Variants in ST14 observed in about 807,000 individuals in gnomAD.
ST14 encodes the protein suppressor of tumorigenicity 14 protein.
Under a neutral mutation model 96.5 loss-of-function variants are expected in ST14, and 40 were observed. The observed-to-expected ratio is 0.41, with a 90% confidence interval of 0.32 to 0.54. The LOEUF is 0.54. ST14 is among the 20% of genes least tolerant of loss of function. ST14 has a pLI of 0.17. For synonymous variants in ST14, 506 were observed against 492.1 expected, an observed-to-expected ratio of 1.03 and a Z score of -0.37; for missense variants, 1,066 against 1,188.9, an observed-to-expected ratio of 0.90 and a Z score of 1.52.
rs201362307 is a variant in ST14, at chr11:130,196,521, C to G, written c.1224-49C>G. ...AGGGGTCCCACCAGACCCCCAGCCC[C>G]CCGGCTCCCAGCTGTCCCTCCTCAC... On this transcript the variant is annotated intron_variant, in intron 10 of 18. Coordinates refer to ENST00000278742, the MANE Select transcript of ST14 (RefSeq NM_021978.4). The G allele has an allele frequency of 1.6e-5, 24 of 1,532,632 alleles. No homozygotes were observed. The East Asian group carries it at 5.6e-4, about 36-fold the overall frequency. 94.9% of individuals were successfully genotyped at this position (1,532,632 alleles called of 1,614,324 possible).
chr11:130,168,572 GA>G (rs1298336562), intron 1 of ST14, among the ~76,000 whole-genome samples: 1 of 152,170 alleles, frequency 6.6e-6, no homozygotes, highest in East Asian at 1.9e-4. Flanking sequence ...TCGTACTAAG[GA>G]AAATGCTATT....
chr11:130,177,087 C>A (rs1469352670), intron 1 of ST14, among the ~76,000 whole-genome samples: 1 of 151,826 alleles, frequency 6.6e-6, no homozygotes, highest in Non-Finnish European at 1.5e-5. Flanking sequence ...CATGAGCCAC[C>A]GTGCCTGGCG....
At chr11:130,179,508 C>G (rs949641465) in intron 1 of ST14, among the ~76,000 whole-genome samples, 15 of 152,172 alleles carry the variant, frequency 9.9e-5, no homozygotes, top group Non-Finnish European at 2.1e-4. Context: ...TATGAGGCCC[C>G]GTGCTGGGCC....
At chr11:130,203,306 C>T (rs1160869227) in intron 16 of ST14, among the ~76,000 whole-genome samples, 1 of 152,190 alleles carries the variant, frequency 6.6e-6, no homozygotes, top group Admixed American at 6.5e-5. Context: ...ATGCTCGCCT[C>T]CTGGGTGTTC....
At chr11:130,178,874 G>C (rs1953165240) in intron 1 of ST14, among the ~76,000 whole-genome samples, 1 of 152,224 alleles carries the variant, frequency 6.6e-6, no homozygotes, top group Non-Finnish European at 1.5e-5. Context: ...TGGGTCTGCA[G>C]CTGGCCCTGT....
chr11:130,182,283 A>C (rs1456847900), intron 1 of ST14, among the ~76,000 whole-genome samples: 2 of 151,670 alleles, frequency 1.3e-5, no homozygotes, highest in East Asian at 3.9e-4. Flanking sequence ...ATAAATTATT[A>C]TTTCATTACA....
At chr11:130,160,098 C>A in intron 1 of ST14, 38 bp downstream of exon 1, 1 of 1,352,294 alleles carries the variant, frequency 7.4e-7, no homozygotes, top group Non-Finnish European at 9.7e-7. Context: ...CTGGGAAGCT[C>A]CTGCCCGCCC....
intron 1 of ST14, among the ~76,000 whole-genome samples, chr11:130,178,301 C>T (rs1953160502): frequency 9.5e-6 from 1 of 105,676 alleles, no homozygotes; most frequent in East Asian, 3.3e-4. Flanking sequence ...TTGGCAGAGC[C>T]TTCGTTGGCA....
chr11:130,201,958 T>C (rs1041017637), intron 16 of ST14, among the ~76,000 whole-genome samples: 3 of 152,218 alleles, frequency 2.0e-5, no homozygotes, highest in Non-Finnish European at 4.4e-5. Flanking sequence ...GTCCTTGCTT[T>C]CTGGCACTAC....
intron 1 of ST14, among the ~76,000 whole-genome samples, chr11:130,179,129 T>A (rs1343833669): frequency 1.3e-5 from 2 of 152,118 alleles, no homozygotes; most frequent in Non-Finnish European, 2.9e-5. Context: ...GTGGAGTTTC[T>A]CCAACTTTCA....
chr11:130,197,594 C>T (rs949550834), intron 11 of ST14, among the ~76,000 whole-genome samples: 1 of 152,218 alleles, frequency 6.6e-6, no homozygotes, highest in Non-Finnish European at 1.5e-5. Flanking sequence ...CTTCGATCCT[C>T]AGTGGTGGGG....
At chr11:130,167,168 G>A (rs543922582) in intron 1 of ST14, among the ~76,000 whole-genome samples, 5 of 152,328 alleles carry the variant, frequency 3.3e-5, no homozygotes, top group Non-Finnish European at 7.4e-5. Flanking sequence ...CCGAGATCGT[G>A]CCATTGCACT....
chr11:130,205,689 T>C (rs1360629685), intron 16 of ST14, among the ~76,000 whole-genome samples: 1 of 148,450 alleles, frequency 6.7e-6, no homozygotes, highest in Non-Finnish European at 1.5e-5. Flanking sequence ...CATCATGTTC[T>C]TCTTTAGACG....
At position 130,185,466 on chromosome 11, in the gene ST14, A is replaced by G. The variant is rs2136210453; in HGVS notation, c.82-2648A>G. Reference sequence around the variant, plus strand: ...CCAGGAGTTCGAGATAAGCCTGGGCAACATAGTAAGACCTTGCCTCTACAA... The same window carrying G: ...CCAGGAGTTCGAGATAAGCCTGGGCGACATAGTAAGACCTTGCCTCTACAA... On this transcript the variant is annotated intron_variant, in intron 1 of 18. Transcript: ENST00000278742. Among the ~76,000 whole-genome samples, 2 of 152,322 alleles carry G rather than the reference A, an allele frequency of 1.3e-5. 1 individual carries two copies. Among genetic ancestry groups the G allele is most frequent in the Non-Finnish European group, 2.9e-5 (2 of 68,020 alleles).
Position 130,199,058 on chromosome 11 carries a change from A to G in ST14, c.1796A>G (p.Glu599Gly). 6.2e-7 allele frequency: 1 copy of G among 1,613,674 alleles called. No individual in the cohort carries two copies. Among genetic ancestry groups the G allele is most frequent in the Non-Finnish European group, 8.5e-7 (1 of 1,179,810 alleles). Reference sequence around the variant, plus strand: ...GAGGACTGTAGCGACGGCTCAGATGAGAAGGACTGCGGTGAGCAGGGCATC... The same window carrying G: ...GAGGACTGTAGCGACGGCTCAGATGGGAAGGACTGCGGTGAGCAGGGCATC... ...GKEDCSDGSD[E>G]KDCDCGLRSF... The change falls in exon 15 of 19, where the codon GAG becomes GGG. Residue 599 changes from glutamate (E) to glycine (G), a missense_variant. Coordinates refer to ENST00000278742, the MANE Select transcript of ST14 (RefSeq NM_021978.4).
At chr11:130,203,172 G>A (rs565359407) in intron 16 of ST14, among the ~76,000 whole-genome samples, 2 of 152,128 alleles carry the variant, frequency 1.3e-5, no homozygotes, top group South Asian at 4.2e-4. Flanking sequence ...GTGGAAACCC[G>A]CAGGCACAGG....
intron 16 of ST14, among the ~76,000 whole-genome samples, chr11:130,203,659 T>C (rs1007295166): frequency 6.6e-6 from 1 of 152,180 alleles, no homozygotes; most frequent in African/African-American, 2.4e-5. Flanking sequence ...TGCTCTTTTT[T>C]CTTTTTTTTT....
At chr11:130,169,027 G>A (rs1321070070) in intron 1 of ST14, among the ~76,000 whole-genome samples, 1 of 135,624 alleles carries the variant, frequency 7.4e-6, no homozygotes, top group Non-Finnish European at 1.5e-5. Context: ...AGGGAATTTT[G>A]TGCAGTTAAA....
At position 130,187,872 on chromosome 11, in the gene ST14, C is replaced by T. The variant is rs1473468460; in HGVS notation, c.82-242C>T. Among the ~76,000 whole-genome samples, 1 of 152,178 alleles carries T rather than the reference C, an allele frequency of 6.6e-6. No individual in the cohort carries two copies. Among genetic ancestry groups the T allele is most frequent in the Non-Finnish European group, 1.5e-5 (1 of 68,044 alleles). On this transcript the variant is annotated intron_variant, in intron 1 of 18. Coordinates refer to ENST00000278742, the MANE Select transcript of ST14 (RefSeq NM_021978.4). The surrounding 1 kb of genome is among the most constrained non-coding windows in gnomAD (Gnocchi z 4.5). ...ATGATCGCCTGGTGCTGTCCAGACC[C>T]TGAGATGCGTGGTTGGGAAGGCCGA...
Sources: gnomAD v4.1 joint callset for allele counts (sites outside exome capture counted in the v4.1 genomes callset) on GRCh38, gnomAD v4.1.1 for gene constraint, Gnocchi (gnomAD v3.1) non-coding constraint, MANE v1.5 for transcripts, NCBI Gene and HGNC (gene_info 2026-07-23, HGNC 2026-07-21) for gene names.